RBPJ: variants seen among roughly 807,000 people sequenced by gnomAD.
RBPJ encodes the protein recombination signal binding protein for immunoglobulin kappa J region.
In RBPJ, 9 loss-of-function variants were observed where a neutral mutation model predicts 67.8. The ratio of observed to expected loss-of-function variants is 0.13; its 90% confidence interval spans 0.08 to 0.23. The LOEUF is 0.23. Among genes scored for constraint, RBPJ ranks in the 10% least tolerant of loss-of-function variants. The pLI is 1.00. For missense variants in RBPJ, 305 were observed against 595.6 expected, an observed-to-expected ratio of 0.51 and a Z score of 5.08; for synonymous variants, 198 against 203.3, an observed-to-expected ratio of 0.97 and a Z score of 0.22.
chr4:26,252,526 C>T (rs531911695), intron 1 of RBPJ, among the ~76,000 whole-genome samples: 4 of 152,196 alleles, frequency 2.6e-5, no homozygotes, highest in Non-Finnish European at 5.9e-5. Flanking sequence ...GTCAAGGGTG[C>T]AGAGAGCCAG....
intron 1 of RBPJ, among the ~76,000 whole-genome samples, chr4:26,175,793 C>T (rs1716775416): frequency 6.6e-6 from 1 of 152,186 alleles, no homozygotes; most frequent in South Asian, 2.1e-4. Context: ...AGCAGTGTGC[C>T]AGCGCTGTGT....
chr4:26,132,821 A>G, the RBPJ span, among the ~76,000 whole-genome samples: 1 of 152,048 alleles, frequency 6.6e-6, no homozygotes, highest in South Asian at 2.1e-4. Context: ...CCCCCACCCC[A>G]CATCCCAGCC....
In RBPJ at chr4:26,431,243, A is replaced by T. The variant is rs1736210890; in HGVS notation, c.*236A>T. The T allele has an allele frequency of 5.3e-6, 2 of 377,224 alleles. No homozygotes were observed. The highest frequency in any genetic ancestry group is 4.2e-5 in the African/African-American group (2 of 47,698). 23.4% of individuals were successfully genotyped at this position (377,224 alleles called of 1,614,324 possible). The stretch of plus-strand genomic sequence containing the variant: ...AAAATCAAAATGTATAAATATTGGA[A>T]ATCAAGTTTTTCAGCTGTTTTGTTG... On this transcript the variant is annotated 3_prime_UTR_variant, in exon 11 of 11. Coordinates refer to ENST00000355476, the MANE Select transcript of RBPJ (RefSeq NM_015874.6).
chr4:26,418,241 G>A (rs1446288715), intron 4 of RBPJ, among the ~76,000 whole-genome samples: 1 of 152,070 alleles, frequency 6.6e-6, no homozygotes, highest in East Asian at 1.9e-4. Flanking sequence ...ATGATTATAT[G>A]CCATTTTCTC....
At chr4:26,285,678 TAAAAAAAAAAA>T (rs545484809) in intron 1 of RBPJ, among the ~76,000 whole-genome samples, 3 of 96,282 alleles carry the variant, frequency 3.1e-5, no homozygotes, top group South Asian at 3.6e-4. Context: ...ACTGATACGT[TAAAAAAAAAAA>T]AAAAAAAAAA....
chr4:26,345,802 C>A (rs563281156), intron 1 of RBPJ, among the ~76,000 whole-genome samples: 1 of 152,170 alleles, frequency 6.6e-6, no homozygotes, highest in Non-Finnish European at 1.5e-5. Context: ...ACTACCCCAT[C>A]CCGTACTTTG....
chr4:26,215,348 A>G (rs1473708195), intron 1 of RBPJ, among the ~76,000 whole-genome samples: 1 of 23,304 alleles, frequency 4.3e-5, no homozygotes, highest in Non-Finnish European at 8.9e-5. Flanking sequence ...AGAAAGAAAG[A>G]AAAAAAGAAG....
upstream of RBPJ, among the ~76,000 whole-genome samples, chr4:26,315,167 A>AAAAAATATATATAT (rs1325689348): frequency 3.7e-4 from 28 of 74,734 alleles, no homozygotes; most frequent in African/African-American, 1.9e-3. Flanking sequence ...AAAAAAAAAA[A>AAAAAATATATATAT]ATATATATAT....
intron 2 of RBPJ, 31 bp downstream of exon 2, chr4:26,386,422 A>G (rs1250254671): frequency 7.0e-7 from 1 of 1,437,770 alleles, no homozygotes; most frequent in Non-Finnish European, 9.6e-7. Flanking sequence ...CTTTTTACAC[A>G]TACATTTTAT....
chr4:26,202,023 C>A (rs113676280), intron 1 of RBPJ, among the ~76,000 whole-genome samples: 1,593 of 152,322 alleles, frequency 0.01, 25 homozygotes, highest in African/African-American at 0.037. Flanking sequence ...AAAAAACTTT[C>A]TTTCCCATTC....
At chr4:26,227,849 G>A (rs1218357684) in intron 1 of RBPJ, among the ~76,000 whole-genome samples, 1 of 152,212 alleles carries the variant, frequency 6.6e-6, no homozygotes, top group Non-Finnish European at 1.5e-5. Flanking sequence ...GTCCTTCTCC[G>A]GTTGAGTTTT....
intron 2 of RBPJ, among the ~76,000 whole-genome samples, chr4:26,395,491 G>A (rs1301308146): frequency 2.0e-5 from 3 of 152,098 alleles, no homozygotes; most frequent in African/African-American, 4.8e-5. Flanking sequence ...TATTGTCCAC[G>A]TTAACATGGG....
At chr4:26,316,559 A>G (rs933725703), upstream of RBPJ, among the ~76,000 whole-genome samples, 4 of 143,034 alleles carry the variant, frequency 2.8e-5, no homozygotes, top group Admixed American at 2.2e-4. Flanking sequence ...ATATATTCAT[A>G]TATATACACA....
chr4:26,343,907 C>T (rs1213726443), intron 1 of RBPJ, among the ~76,000 whole-genome samples: 3 of 151,950 alleles, frequency 2.0e-5, no homozygotes, highest in Non-Finnish European at 4.4e-5. Flanking sequence ...CCCGCCACCA[C>T]ACTCGGCTAA....
Position 26,262,362 on chromosome 4 carries a change from G to A in RBPJ, c.-167+98748G>A, listed in dbSNP as rs370035240. Among the ~76,000 whole-genome samples the A allele has an allele frequency of 2.2e-4, 33 of 152,244 alleles. No individual in the cohort carries two copies. The East Asian group carries it at 4.2e-3, about 20-fold the overall frequency. On this transcript the variant is annotated intron_variant, in intron 1 of 4. Coordinates refer to the RBPJ transcript ENST00000512351. ...GTAGCTCAGGCTTCAGGCACACACC[G>A]TCACACCCGGCTTTTATCCTAAGTT...
chr4:26,375,665 C>T (rs548959759), intron 1 of RBPJ, among the ~76,000 whole-genome samples: 1 of 152,286 alleles, frequency 6.6e-6, no homozygotes, highest in South Asian at 2.1e-4. Flanking sequence ...AACTGTGTGA[C>T]GTCTTCTATG....
chr4:26,161,157 G>C (rs1716069482), upstream of RBPJ, among the ~76,000 whole-genome samples: 1 of 152,200 alleles, frequency 6.6e-6, no homozygotes, highest in Non-Finnish European at 1.5e-5. Flanking sequence ...CACATTCACT[G>C]TCTCCCACAG....
At chr4:26,340,852 C>T (rs867622732) in intron 1 of RBPJ, among the ~76,000 whole-genome samples, 7 of 146,946 alleles carry the variant, frequency 4.8e-5, no homozygotes, top group Admixed American at 6.8e-5. Flanking sequence ...AGTGAGACTC[C>T]GTCTCAAAAA....
intron 4 of RBPJ, among the ~76,000 whole-genome samples, chr4:26,418,118 TA>T (rs1331167346): frequency 6.6e-6 from 1 of 152,236 alleles, no homozygotes; most frequent in Non-Finnish European, 1.5e-5. Flanking sequence ...TTCTATAATT[TA>T]AACATTTCTG....
Sources: gnomAD v4.1 joint callset for allele counts (sites outside exome capture counted in the v4.1 genomes callset) on GRCh38, gnomAD v4.1.1 for gene constraint, MANE v1.5 for transcripts, NCBI Gene and HGNC (gene_info 2026-07-23, HGNC 2026-07-21) for gene names.